ST8SIA1: variants seen among roughly 807,000 people sequenced by gnomAD.
The protein encoded by ST8SIA1 is ST8 alpha-N-acetyl-neuraminide alpha-2,8-sialyltransferase 1, also known as alpha-N-acetylneuraminide alpha-2,8-sialyltransferase.
ST8SIA1 carries 16 observed loss-of-function variants against 35.9 expected under a neutral mutation model. The ratio of observed to expected loss-of-function variants is 0.45; its 90% confidence interval spans 0.30 to 0.68. The LOEUF is 0.68. ST8SIA1 is among the 30% of genes least tolerant of loss of function. The pLI, the probability that ST8SIA1 is intolerant of heterozygous loss-of-function variation, is 0.09. For synonymous variants in ST8SIA1, 170 were observed against 169.6 expected, an observed-to-expected ratio of 1.00 and a Z score of -0.02; for missense variants, 383 against 453.6, an observed-to-expected ratio of 0.84 and a Z score of 1.41.
At chr12:22,328,814 T>C (rs1472526369) in intron 1 of ST8SIA1, among the ~76,000 whole-genome samples, 1 of 152,238 alleles carries the variant, frequency 6.6e-6, no homozygotes, top group African/African-American at 2.4e-5. Flanking sequence ...TTATCTAATC[T>C]AATTCTTACA....
At chr12:22,221,385 G>C (rs1251567713) in intron 4 of ST8SIA1, among the ~76,000 whole-genome samples, 14 of 152,116 alleles carry the variant, frequency 9.2e-5, no homozygotes, top group Non-Finnish European at 1.5e-5. Flanking sequence ...TGATTAAAGA[G>C]GTTGAGATGC....
At chr12:22,204,694 G>A (rs1182856155) in intron 4 of ST8SIA1, among the ~76,000 whole-genome samples, 4 of 152,100 alleles carry the variant, frequency 2.6e-5, no homozygotes. Flanking sequence ...TTTTCACTTT[G>A]AAAAGGAACA....
intron 1 of ST8SIA1, among the ~76,000 whole-genome samples, chr12:22,332,497 G>A (rs1866780438): frequency 6.6e-6 from 1 of 152,174 alleles, no homozygotes; most frequent in African/African-American, 2.4e-5. Flanking sequence ...AGTGCTTTCT[G>A]TCTTTAGGGA....
chr12:22,310,910 A>T (rs1047108774), intron 1 of ST8SIA1, among the ~76,000 whole-genome samples: 10 of 152,174 alleles, frequency 6.6e-5, no homozygotes, highest in Non-Finnish European at 1.0e-4. Context: ...GCAGCTGCAG[A>T]CTGTTCCCAG....
intron 2 of ST8SIA1, among the ~76,000 whole-genome samples, chr12:22,275,599 T>C (rs1865960036): frequency 6.6e-6 from 1 of 152,050 alleles, no homozygotes; most frequent in African/African-American, 2.4e-5. Flanking sequence ...TGGATGGCAA[T>C]TGGTAAGCTT....
At chr12:22,277,419 T>G (rs1157085562) in intron 2 of ST8SIA1, among the ~76,000 whole-genome samples, 2 of 146,036 alleles carry the variant, frequency 1.4e-5, no homozygotes, top group East Asian at 4.1e-4. Context: ...CAGGCTGGAG[T>G]GCAGTGGTGT....
chr12:22,320,566 C>T (rs1030468528), intron 1 of ST8SIA1, among the ~76,000 whole-genome samples: 69 of 152,074 alleles, frequency 4.5e-4, no homozygotes, highest in African/African-American at 1.5e-3. Context: ...GAAGTGAAGC[C>T]GGGAGCGGTG....
At chr12:22,258,321 A>T (rs1865750311) in intron 2 of ST8SIA1, among the ~76,000 whole-genome samples, 1 of 152,110 alleles carries the variant, frequency 6.6e-6, no homozygotes, top group African/African-American at 2.4e-5. Flanking sequence ...TGGCAATATC[A>T]AGTAGGGAAG....
intron 2 of ST8SIA1, among the ~76,000 whole-genome samples, chr12:22,284,510 G>T (rs986304637): frequency 8.5e-5 from 13 of 152,218 alleles, no homozygotes; most frequent in African/African-American, 2.2e-4. Flanking sequence ...AGAGCAGAGG[G>T]AAAATACCAT....
rs546430228 is a variant in ST8SIA1 at position 22,326,344 on chromosome 12, G to A, written c.236+7653C>T. On this transcript the variant is annotated intron_variant, in intron 1 of 4. Coordinates refer to ENST00000396037, the MANE Select transcript of ST8SIA1 (RefSeq NM_003034.4). ...GTACAGCACCCTCAGCACTAACTCT[G>A]TGAAAAAAGAGCGTGTGTCACAAGG... is the stretch of plus-strand genomic sequence containing the variant. 96 of 153,936 alleles carry A rather than the reference G, an allele frequency of 6.2e-4. 1 individual carries two copies. The highest frequency in any genetic ancestry group is 1.3e-3 in the Non-Finnish European group (87 of 69,270). 9.5% of individuals were successfully genotyped at this position (153,936 alleles called of 1,614,324 possible). A position where few individuals can be genotyped will look rare whatever the true frequency, so the allele number is the denominator to read the frequency against.
intron 3 of ST8SIA1, among the ~76,000 whole-genome samples, chr12:22,252,165 T>C (rs921446641): frequency 1.3e-5 from 2 of 152,156 alleles, no homozygotes; most frequent in Admixed American, 6.6e-5. Context: ...GCAAAGAAAA[T>C]TATGAAATTA....
chr12:22,258,141 A>G (rs1865748046), intron 2 of ST8SIA1, among the ~76,000 whole-genome samples: 1 of 152,082 alleles, frequency 6.6e-6, no homozygotes. Flanking sequence ...AGGGCAAGAG[A>G]AAAAGAGAGA....
chr12:22,242,138 T>G (rs906351166), intron 4 of ST8SIA1, among the ~76,000 whole-genome samples: 3 of 152,106 alleles, frequency 2.0e-5, no homozygotes, highest in Non-Finnish European at 4.4e-5. Flanking sequence ...GAATATCCCC[T>G]GAACAAAAGC....
In ST8SIA1 at chr12:22,208,436, C is replaced by T. The variant is rs78789614; in HGVS notation, c.585-6398G>A. Among the ~76,000 whole-genome samples, 19 of 151,960 alleles carry T rather than the reference C, an allele frequency of 1.3e-4. 1 individual carries two copies. In the East Asian group the frequency reaches 1.9e-3, roughly 15 times the overall value. Reference sequence around the variant, plus strand: ...GCAGGAATCATATATTAAAATAATACAATAAAACAAAAATTTCATTGTTAA... The same window carrying T: ...GCAGGAATCATATATTAAAATAATATAATAAAACAAAAATTTCATTGTTAA... On this transcript the variant is annotated intron_variant, in intron 4 of 4. Coordinates refer to ENST00000396037, the MANE Select transcript of ST8SIA1 (RefSeq NM_003034.4).
At chr12:22,313,907 A>C (rs972641883) in intron 1 of ST8SIA1, among the ~76,000 whole-genome samples, 8 of 152,164 alleles carry the variant, frequency 5.3e-5, no homozygotes, top group African/African-American at 1.9e-4. Flanking sequence ...TCATTCTTTA[A>C]AATGTCTATC....
At chr12:22,215,369 T>G (rs1865223757) in intron 4 of ST8SIA1, among the ~76,000 whole-genome samples, 1 of 152,196 alleles carries the variant, frequency 6.6e-6, no homozygotes, top group African/African-American at 2.4e-5. Flanking sequence ...TGCTGTTCTA[T>G]GCACTGAGGG....
At chr12:22,288,656 G>T (rs1289465071) in intron 1 of ST8SIA1, among the ~76,000 whole-genome samples, 2 of 152,128 alleles carry the variant, frequency 1.3e-5, no homozygotes, top group Non-Finnish European at 2.9e-5. Context: ...AGGTTTCAAT[G>T]GAAAGAAGGA....
chr12:22,292,581 G>A (rs1447636827), intron 1 of ST8SIA1, among the ~76,000 whole-genome samples: 1 of 152,166 alleles, frequency 6.6e-6, no homozygotes, highest in African/African-American at 2.4e-5. Context: ...TAAAAAGGAG[G>A]AAATCATGTC....
At chr12:22,313,766 T>A (rs1866481868) in intron 1 of ST8SIA1, among the ~76,000 whole-genome samples, 1 of 152,206 alleles carries the variant, frequency 6.6e-6, no homozygotes, top group Non-Finnish European at 1.5e-5. Context: ...TATGGAGCCA[T>A]GAGCATGTGT....
Sources: gnomAD v4.1 joint callset for allele counts (sites outside exome capture counted in the v4.1 genomes callset) on GRCh38, gnomAD v4.1.1 for gene constraint, MANE v1.5 for transcripts, NCBI Gene and HGNC (gene_info 2026-07-23, HGNC 2026-07-21) for gene names.